The following PLXDC2 variants were observed in gnomAD, a reference collection of about 807,000 sequenced individuals.
PLXDC2 encodes the protein plexin domain containing 2, also known as plexin domain-containing protein 2.
In PLXDC2, 40 loss-of-function variants were observed where a neutral mutation model predicts 68.9. That is an observed-to-expected ratio of 0.58 (90% confidence interval 0.45 to 0.76). The LOEUF is 0.76. Among genes scored for constraint, PLXDC2 ranks in the 30% least tolerant of loss-of-function variants. The probability of loss-of-function intolerance (pLI) is 0.00; values close to 1 mark genes in which losing one functional copy is unlikely to be tolerated. For synonymous variants in PLXDC2, 243 were observed against 234.2 expected (o/e 1.04, Z -0.34); for missense variants, 644 against 661.9 (o/e 0.97, Z 0.30).
intron 1 of PLXDC2, among the ~76,000 whole-genome samples, chr10:19,991,802 A>G (rs1214515612): frequency 1.3e-5 from 2 of 152,176 alleles, no homozygotes; most frequent in Non-Finnish European, 2.9e-5. Context: ...CATCTCTCAC[A>G]CTGGGTACCA....
intron 1 of PLXDC2, among the ~76,000 whole-genome samples, chr10:19,906,461 G>C (rs111437291): frequency 2.0e-5 from 3 of 152,186 alleles, no homozygotes; most frequent in Non-Finnish European, 2.9e-5. Flanking sequence ...TTCTGGATTG[G>C]CTAGTGTGAA....
At chr10:19,906,722 A>G (rs192003868) in intron 1 of PLXDC2, among the ~76,000 whole-genome samples, 2 of 152,292 alleles carry the variant, frequency 1.3e-5, no homozygotes, top group Non-Finnish European at 2.9e-5. Flanking sequence ...AGCACCAAAA[A>G]TACAGATAAT....
chr10:20,224,769 A>T (rs1399447736), intron 12 of PLXDC2, among the ~76,000 whole-genome samples: 2 of 152,172 alleles, frequency 1.3e-5, no homozygotes, highest in African/African-American at 4.8e-5. Context: ...AATACCAAAA[A>T]CTGCATTATC....
At chr10:19,889,701 G>A (rs1401836975) in intron 1 of PLXDC2, among the ~76,000 whole-genome samples, 1 of 152,164 alleles carries the variant, frequency 6.6e-6, no homozygotes, top group Non-Finnish European at 1.5e-5. Flanking sequence ...AAGAGATAGT[G>A]TGTTTCTTGG....
chr10:19,916,695 G>A (rs1236274325), intron 1 of PLXDC2, among the ~76,000 whole-genome samples: 3 of 152,150 alleles, frequency 2.0e-5, no homozygotes, highest in Non-Finnish European at 2.9e-5. Flanking sequence ...GAGCTACACA[G>A]TGGTAGAGCT....
At chr10:19,991,833 T>C (rs12772306) in intron 1 of PLXDC2, among the ~76,000 whole-genome samples, 9,897 of 152,280 alleles carry the variant, frequency 0.065, 394 homozygotes, top group Middle Eastern at 0.13. Context: ...TGATTACATC[T>C]GGCCTCTTCT....
chr10:20,125,271 T>A (rs947012922), intron 4 of PLXDC2, among the ~76,000 whole-genome samples: 6 of 151,772 alleles, frequency 4.0e-5, no homozygotes, highest in Non-Finnish European at 7.4e-5. Context: ...TGACTTAACT[T>A]ACTAACAACG....
intron 4 of PLXDC2, among the ~76,000 whole-genome samples, chr10:20,080,943 C>T (rs1836545666): frequency 6.6e-6 from 1 of 152,166 alleles, no homozygotes; most frequent in African/African-American, 2.4e-5. Flanking sequence ...GTGGATTGGC[C>T]TAAGGGTCAG....
chr10:19,866,191 T>C (rs557128664), intron 1 of PLXDC2, among the ~76,000 whole-genome samples: 19 of 152,346 alleles, frequency 1.2e-4, no homozygotes, highest in African/African-American at 4.1e-4. Flanking sequence ...GGGTATTCTT[T>C]ATTTGTTTAG....
intron 2 of PLXDC2, among the ~76,000 whole-genome samples, chr10:20,044,433 C>T (rs1434854166): frequency 7.3e-5 from 11 of 151,662 alleles, no homozygotes; most frequent in Non-Finnish European, 1.6e-4. Flanking sequence ...GCCTCAGCCT[C>T]TGACTAGCTG....
At position 20,007,723 on chromosome 10, in the gene PLXDC2, G is replaced by A. The variant is rs913604286; in HGVS notation, c.324+5737G>A. Reference sequence around the variant, plus strand: ...GATTTCTTAGTTCTAGGCTTGAGCCGGTCTGATATTCTGTTTCTAATAAGG... The same window carrying A: ...GATTTCTTAGTTCTAGGCTTGAGCCAGTCTGATATTCTGTTTCTAATAAGG... On this transcript the variant is annotated intron_variant, in intron 2 of 13. Transcript: ENST00000377252. Among the ~76,000 whole-genome samples, 7 of 152,198 alleles carry A rather than the reference G, an allele frequency of 4.6e-5. No individual in the cohort carries two copies. The East Asian group carries it at 7.7e-4, about 17-fold the overall frequency.
At chr10:19,916,137 T>G (rs1428906624) in intron 1 of PLXDC2, among the ~76,000 whole-genome samples, 21 of 101,262 alleles carry the variant, frequency 2.1e-4, no homozygotes, top group Non-Finnish European at 2.1e-4. Context: ...TTTTGTTTTG[T>G]TTTTTTTTTT....
chr10:19,944,063 T>C (rs1222736381), intron 1 of PLXDC2, among the ~76,000 whole-genome samples: 1 of 152,198 alleles, frequency 6.6e-6, no homozygotes. Context: ...TTCATAACGA[T>C]TTGAAGAATT....
At chr10:19,932,725 G>A (rs1833660216) in intron 1 of PLXDC2, among the ~76,000 whole-genome samples, 1 of 150,732 alleles carries the variant, frequency 6.6e-6, no homozygotes, top group African/African-American at 2.4e-5. Flanking sequence ...AGTTGCAGAA[G>A]CTAAAGTCAG....
At chr10:20,268,740 C>T (rs143148463) in intron 13 of PLXDC2, among the ~76,000 whole-genome samples, 1 of 152,296 alleles carries the variant, frequency 6.6e-6, no homozygotes, top group Non-Finnish European at 1.5e-5. Context: ...CACAGCCAGT[C>T]TGTTGTAGGG....
intron 1 of PLXDC2, among the ~76,000 whole-genome samples, chr10:19,964,632 C>T (rs1038710065): frequency 2.0e-5 from 3 of 152,204 alleles, no homozygotes; most frequent in African/African-American, 7.2e-5. Context: ...CAGGATCACA[C>T]ACTATTGTCA....
At position 19,836,354 on chromosome 10, in the gene PLXDC2, A is replaced by G. The variant is rs75747857; in HGVS notation, c.112+19163A>G. Among the ~76,000 whole-genome samples, 371 of 152,290 alleles carry G rather than the reference A, an allele frequency of 2.4e-3. 9 individuals carry two copies. The East Asian group carries it at 0.053, about 22-fold the overall frequency. On this transcript the variant is annotated intron_variant, in intron 1 of 13. Transcript: ENST00000377252. ...TGAGTTGAGAATCTATACTAGCAAT[A>G]CAGGAAACCATGTTAGGATCACTGT...
chr10:20,202,690 C>T (rs970861916), intron 9 of PLXDC2, among the ~76,000 whole-genome samples: 2 of 152,114 alleles, frequency 1.3e-5, no homozygotes, highest in African/African-American at 4.8e-5. Context: ...GCAAATCAGT[C>T]AAGTCTTTAG....
At chr10:20,121,464 G>A (rs944306318) in intron 4 of PLXDC2, among the ~76,000 whole-genome samples, 20 of 152,186 alleles carry the variant, frequency 1.3e-4, no homozygotes, top group Admixed American at 6.5e-4. Context: ...GAATTATGCC[G>A]AGATAGGTAA....
Sources: gnomAD v4.1 joint callset for allele counts (sites outside exome capture counted in the v4.1 genomes callset) on GRCh38, gnomAD v4.1.1 for gene constraint, MANE v1.5 for transcripts, NCBI Gene and HGNC (gene_info 2026-07-23, HGNC 2026-07-21) for gene names.